Variants in TTC28 observed in about 807,000 individuals in gnomAD.
TTC28 encodes the protein tetratricopeptide repeat protein 28.
A neutral mutation model predicts 198.0 loss-of-function variants in TTC28; 61 were observed. That is an observed-to-expected ratio of 0.31 (90% CI 0.25 to 0.38). The LOEUF (loss-of-function observed/expected upper bound fraction) is 0.38, where lower values mean the gene tolerates loss of function less well. Ranked by LOEUF, TTC28 falls within the 10% of genes least tolerant of loss-of-function variation. TTC28 has a pLI of 1.00. For synonymous variants in TTC28, 1,171 were observed against 1,297.8 expected (o/e 0.90, Z 2.10); for missense variants, 2,678 against 3,164.0 (o/e 0.85, Z 3.69).
At chr22:28,382,625 C>G (rs576235049) in intron 2 of TTC28, among the ~76,000 whole-genome samples, 1 of 152,232 alleles carries the variant, frequency 6.6e-6, no homozygotes, top group South Asian at 2.1e-4. Flanking sequence ...TGTGTAAACA[C>G]CTTCAACATA....
intron 2 of TTC28, among the ~76,000 whole-genome samples, chr22:28,354,026 G>T (rs2046038411): frequency 6.6e-6 from 1 of 152,144 alleles, no homozygotes; most frequent in African/African-American, 2.4e-5. Context: ...TTAAAAATGG[G>T]GGGAAAAGGT....
At position 27,985,340 on chromosome 22, in the gene TTC28, T is replaced by C; in HGVS notation, c.5724A>G (p.Glu1908=). 1 of 1,551,164 alleles carries C rather than the reference T, an allele frequency of 6.4e-7. No individual in the cohort carries two copies. Among genetic ancestry groups the C allele is most frequent in the Non-Finnish European group, 8.7e-7 (1 of 1,146,636 alleles). The part of the protein sequence containing the change: ...FLAALGFDLC[E]VGQEEVILKT... ...TCAGGATTACTTCCTCCTGACCAAC[T>C]TCACAGAGATCAAAACCTAGAGGAA... is the stretch of plus-strand genomic sequence containing the variant. Residue 1908 remains glutamate, a synonymous_variant, in exon 22 of 23, where the codon GAA becomes GAG. Transcript: ENST00000397906.
At chr22:28,530,889 T>A (rs2049119674) in intron 2 of TTC28, among the ~76,000 whole-genome samples, 1 of 152,086 alleles carries the variant, frequency 6.6e-6, no homozygotes, top group South Asian at 2.1e-4. Flanking sequence ...AGGCCTGCCT[T>A]ACAAAGCTCC....
At chr22:28,236,314 C>G (rs1462541555) in intron 5 of TTC28, among the ~76,000 whole-genome samples, 3 of 152,154 alleles carry the variant, frequency 2.0e-5, no homozygotes, top group East Asian at 1.9e-4. Flanking sequence ...TGCATAATGT[C>G]CATCCTGTAT....
At chr22:28,677,957 A>C (rs1362730711) in intron 1 of TTC28, among the ~76,000 whole-genome samples, 5 of 152,176 alleles carry the variant, frequency 3.3e-5, no homozygotes, top group East Asian at 3.9e-4. Context: ...AAGAAAAAGA[A>C]GAAAATTTAA....
At chr22:28,444,786 T>A (rs1229615161) in intron 2 of TTC28, among the ~76,000 whole-genome samples, 1 of 152,198 alleles carries the variant, frequency 6.6e-6, no homozygotes, top group African/African-American at 2.4e-5. Flanking sequence ...AAAAACTTAA[T>A]AAGTACTACT....
At chr22:28,583,524 A>G (rs2050262313) in intron 2 of TTC28, among the ~76,000 whole-genome samples, 1 of 152,234 alleles carries the variant, frequency 6.6e-6, no homozygotes, top group South Asian at 2.1e-4. Flanking sequence ...TGGAACTGTG[A>G]ACTAAAGAGT....
intron 5 of TTC28, among the ~76,000 whole-genome samples, chr22:28,290,546 T>C (rs2044768331): frequency 6.6e-6 from 1 of 152,206 alleles, no homozygotes; most frequent in African/African-American, 2.4e-5. Flanking sequence ...AATTTTCATA[T>C]GGTAATTTTC....
At chr22:28,345,835 G>A (rs1296869791) in intron 2 of TTC28, among the ~76,000 whole-genome samples, 1 of 151,992 alleles carries the variant, frequency 6.6e-6, no homozygotes, top group Non-Finnish European at 1.5e-5. Context: ...CAAACAAACT[G>A]ATATTAAAGT....
At chr22:28,089,880 C>G (rs990173418) in intron 12 of TTC28, among the ~76,000 whole-genome samples, 1 of 151,450 alleles carries the variant, frequency 6.6e-6, no homozygotes, top group Non-Finnish European at 1.5e-5. Flanking sequence ...AACCACATAC[C>G]GCATGTTCTC....
intron 2 of TTC28, among the ~76,000 whole-genome samples, chr22:28,421,009 G>T (rs1195564580): frequency 6.6e-6 from 1 of 151,936 alleles, no homozygotes; most frequent in Non-Finnish European, 1.5e-5. Context: ...CATCCAAAAA[G>T]TATCATAATT....
At chr22:28,223,711 A>G (rs1162618344) in intron 5 of TTC28, among the ~76,000 whole-genome samples, 1 of 152,244 alleles carries the variant, frequency 6.6e-6, no homozygotes, top group East Asian at 1.9e-4. Context: ...TAATGTGTAC[A>G]TGGTACCTAC....
intron 2 of TTC28, among the ~76,000 whole-genome samples, chr22:28,404,729 C>T (rs2046973966): frequency 6.6e-6 from 1 of 152,178 alleles, no homozygotes; most frequent in African/African-American, 2.4e-5. Flanking sequence ...CATTAGGTGT[C>T]AAAGTCTCAA....
intron 3 of TTC28, 45 bp downstream of exon 3, chr22:28,306,451 T>C: frequency 6.6e-7 from 1 of 1,523,840 alleles, no homozygotes; most frequent in South Asian, 1.3e-5. Context: ...CTAGAAATGA[T>C]CTTCTTTAAA....
At chr22:28,232,516 G>A (rs935133089) in intron 5 of TTC28, among the ~76,000 whole-genome samples, 8 of 152,140 alleles carry the variant, frequency 5.3e-5, no homozygotes, top group South Asian at 2.1e-4. Flanking sequence ...TTTCCGTTCC[G>A]GGGTACATGT....
intron 1 of TTC28, among the ~76,000 whole-genome samples, chr22:28,676,092 C>T (rs1267479009): frequency 2.7e-5 from 4 of 147,628 alleles, no homozygotes; most frequent in African/African-American, 5.1e-5. Context: ...TCATAATAGC[C>T]GAAAATTGGA....
intron 5 of TTC28, among the ~76,000 whole-genome samples, chr22:28,264,741 T>A (rs1931565805): frequency 1.3e-5 from 2 of 152,120 alleles, no homozygotes; most frequent in Admixed American, 6.6e-5. Flanking sequence ...GGAGTCAGAA[T>A]GACCACATGG....
intron 14 of TTC28, 144 bp from the exon 15 acceptor site, chr22:28,001,697 G>T: frequency 1.0e-6 from 1 of 962,194 alleles, no homozygotes; most frequent in Non-Finnish European, 1.5e-6. Flanking sequence ...TGGGGCATGG[G>T]CCGAGTTGCA....
intron 14 of TTC28, among the ~76,000 whole-genome samples, chr22:28,011,121 G>T (rs2146575094): frequency 6.6e-6 from 1 of 152,232 alleles, no homozygotes; most frequent in East Asian, 1.9e-4. Flanking sequence ...GGTATAAAAT[G>T]ACATGGTGTT....
Sources: allele counts gnomAD v4.1 joint callset (sites outside exome capture counted in the v4.1 genomes callset), GRCh38; gene constraint gnomAD v4.1.1; transcripts MANE v1.5; gene names NCBI Gene and HGNC (gene_info 2026-07-23, HGNC 2026-07-21).